The following ZNF423 variants were observed in gnomAD, a reference collection of about 807,000 sequenced individuals.
ZNF423 encodes zinc finger protein 423.
Under a neutral mutation model 95.8 loss-of-function variants are expected in ZNF423, and 12 were observed. The ratio of observed to expected loss-of-function variants is 0.13; its 90% CI spans 0.08 to 0.20. ZNF423 has a LOEUF of 0.20. ZNF423 is among the 10% of genes least tolerant of loss of function. The pLI, the probability that ZNF423 is intolerant of heterozygous loss-of-function variation, is 1.00. For missense variants in ZNF423, 1,316 were observed against 1,737.1 expected (o/e 0.76, Z 4.31); for synonymous variants, 749 against 711.9 (o/e 1.05, Z -0.83).
At chr16:49,660,849 G>C (rs905924804) in intron 3 of ZNF423, among the ~76,000 whole-genome samples, 1 of 151,932 alleles carries the variant, frequency 6.6e-6, no homozygotes, top group African/African-American at 2.4e-5. Context: ...GATGGGGGGG[G>C]AGCTTACTTA....
chr16:49,547,027 C>G (rs1213532603), intron 5 of ZNF423, among the ~76,000 whole-genome samples: 1 of 140,910 alleles, frequency 7.1e-6, no homozygotes, highest in East Asian at 2.1e-4. Flanking sequence ...AAAAAAAAAA[C>G]AATCAGCCAG....
intron 3 of ZNF423, among the ~76,000 whole-genome samples, chr16:49,709,454 G>A (rs2032474418): frequency 6.6e-6 from 1 of 152,050 alleles, no homozygotes; most frequent in Non-Finnish European, 1.5e-5. Context: ...CACCACGCCA[G>A]GTACGATGCC....
chr16:49,557,289 G>A (rs1420242856), intron 5 of ZNF423, among the ~76,000 whole-genome samples: 2 of 152,196 alleles, frequency 1.3e-5, no homozygotes, highest in African/African-American at 4.8e-5. Flanking sequence ...GCATACAAAT[G>A]AGCGCCTGGC....
chr16:49,645,097 A>G (rs772722526), intron 3 of ZNF423, among the ~76,000 whole-genome samples: 2 of 152,232 alleles, frequency 1.3e-5, no homozygotes, highest in Non-Finnish European at 2.9e-5. Context: ...AAAGTCCCCA[A>G]AAAGACTCCT....
In ZNF423 at chr16:49,528,634, C is replaced by T. The variant is rs183316009; in HGVS notation, c.3602-3140G>A. Among the ~76,000 whole-genome samples the T allele has an allele frequency of 9.8e-5, 15 of 152,324 alleles. No homozygotes were observed. In the East Asian group the frequency reaches 2.9e-3, roughly 29 times the overall value. Reference sequence around the variant, plus strand: ...CCCGCAGAGCTGGGACTCGCTCCCACTCAAGGCAAGACCTTTTGATTTGCA... The same window carrying T: ...CCCGCAGAGCTGGGACTCGCTCCCATTCAAGGCAAGACCTTTTGATTTGCA... On this transcript the variant is annotated intron_variant, in intron 5 of 7. Transcript: ENST00000563137.
At chr16:49,529,709 A>G (rs1217577229) in intron 5 of ZNF423, among the ~76,000 whole-genome samples, 1 of 152,180 alleles carries the variant, frequency 6.6e-6, no homozygotes, top group African/African-American at 2.4e-5. Flanking sequence ...CTGAAGGTGA[A>G]GCTCAGGTGG....
chr16:49,501,482 A>G (rs1015379767), intron 7 of ZNF423, among the ~76,000 whole-genome samples: 14 of 152,218 alleles, frequency 9.2e-5, no homozygotes, highest in South Asian at 2.1e-4. Context: ...TTTTCAAAGA[A>G]CTAAGAATTG....
intron 3 of ZNF423, among the ~76,000 whole-genome samples, chr16:49,691,439 C>G (rs2031776734): frequency 6.6e-6 from 1 of 152,210 alleles, no homozygotes; most frequent in Non-Finnish European, 1.5e-5. Context: ...TAGGTTAAAA[C>G]AGAGGATCCT....
At chr16:49,766,221 C>T (rs567987436) in intron 2 of ZNF423, among the ~76,000 whole-genome samples, 1 of 152,186 alleles carries the variant, frequency 6.6e-6, no homozygotes, top group South Asian at 2.1e-4. Context: ...AAATGCAATT[C>T]AAGGGAAATA....
At chr16:49,717,871 T>C (rs1480812182) in intron 3 of ZNF423, among the ~76,000 whole-genome samples, 1 of 152,178 alleles carries the variant, frequency 6.6e-6, no homozygotes, top group African/African-American at 2.4e-5. Context: ...TAAATAACCC[T>C]TTGGCAGTGA....
chr16:49,535,346 C>T (rs1279885607), intron 5 of ZNF423, among the ~76,000 whole-genome samples: 1 of 152,202 alleles, frequency 6.6e-6, no homozygotes, highest in Admixed American at 6.5e-5. Context: ...CGCTGGCGGA[C>T]ACATCCACCT....
chr16:49,778,578 C>T (rs1037502757), intron 2 of ZNF423, among the ~76,000 whole-genome samples: 4 of 152,022 alleles, frequency 2.6e-5, no homozygotes, highest in African/African-American at 9.7e-5. Context: ...CAAGCCATGC[C>T]TCACCAACCA....
At chr16:49,694,956 C>T (rs555564532) in intron 3 of ZNF423, among the ~76,000 whole-genome samples, 28 of 152,334 alleles carry the variant, frequency 1.8e-4, no homozygotes, top group African/African-American at 6.3e-4. Flanking sequence ...CTAGTGAAGA[C>T]GTGAGAGTGT....
chr16:49,663,631 C>T (rs1258008362), intron 3 of ZNF423, among the ~76,000 whole-genome samples: 10 of 152,124 alleles, frequency 6.6e-5, no homozygotes, highest in African/African-American at 1.9e-4. Flanking sequence ...CAGGAGGGCA[C>T]GGGAGAGGGC....
At chr16:49,668,695 T>C (rs1451636804) in intron 3 of ZNF423, among the ~76,000 whole-genome samples, 2 of 152,096 alleles carry the variant, frequency 1.3e-5, no homozygotes, top group African/African-American at 4.8e-5. Context: ...CAGTTCCCGC[T>C]AACCCACTAA....
rs1005911679 is a variant in ZNF423 at position 49,492,505 on chromosome 16, C to T, written c.3850-1201G>A. Among the ~76,000 whole-genome samples, 1 of 152,134 alleles carries T rather than the reference C, an allele frequency of 6.6e-6. No homozygotes were observed. The highest frequency in any genetic ancestry group is 2.1e-4 in the South Asian group (1 of 4,830). ...GCCGGGGCCGGGGCCGGGGCCGAGA[C>T]GGGCCACTCCTGCTCCCTGGAGCAG... On this transcript the variant is annotated intron_variant, in intron 7 of 7. Transcript: ENST00000563137. The surrounding 1 kb of genome is among the most constrained non-coding windows in gnomAD (Gnocchi z 4.2).
At chr16:49,517,578 C>T (rs1464925736) in intron 7 of ZNF423, among the ~76,000 whole-genome samples, 1 of 152,154 alleles carries the variant, frequency 6.6e-6, no homozygotes, top group African/African-American at 2.4e-5. Flanking sequence ...ATGGACAAAG[C>T]TTAGTCTCCC....
At chr16:49,755,339 T>C (rs970641749) in intron 2 of ZNF423, among the ~76,000 whole-genome samples, 9 of 152,188 alleles carry the variant, frequency 5.9e-5, no homozygotes, top group African/African-American at 1.9e-4. Context: ...CTTTCCCGTT[T>C]CTGTAATCTT....
At chr16:49,623,266 C>T (rs1246838302) in intron 5 of ZNF423, among the ~76,000 whole-genome samples, 1 of 152,182 alleles carries the variant, frequency 6.6e-6, no homozygotes, top group Admixed American at 6.5e-5. Flanking sequence ...ACCTGTCCAG[C>T]CCCCCAGCCA....
Sources: allele counts gnomAD v4.1 joint callset (sites outside exome capture counted in the v4.1 genomes callset), GRCh38; gene constraint gnomAD v4.1.1; non-coding constraint Gnocchi (gnomAD v3.1); transcripts MANE v1.5; gene names NCBI Gene and HGNC (gene_info 2026-07-23, HGNC 2026-07-21).